The following SLC4A8 variants were observed in gnomAD, a reference collection of about 807,000 sequenced individuals.
SLC4A8 encodes electroneutral sodium bicarbonate exchanger 1.
Under a neutral mutation model 125.0 loss-of-function variants are expected in SLC4A8, and 40 were observed. That is an observed-to-expected ratio of 0.32 (90% CI 0.25 to 0.42). The LOEUF (loss-of-function observed/expected upper bound fraction) is 0.42, where lower values mean the gene tolerates loss of function less well. SLC4A8 is among the 10% of genes least tolerant of loss of function. The probability of loss-of-function intolerance (pLI) is 1.00; values close to 1 mark genes in which losing one functional copy is unlikely to be tolerated. For synonymous variants in SLC4A8, 456 were observed against 476.0 expected, an observed-to-expected ratio of 0.96 and a Z score of 0.55; for missense variants, 863 against 1,355.1, an observed-to-expected ratio of 0.64 and a Z score of 5.70.
chr12:51,510,524 C>G lies in SLC4A8; in HGVS notation c.*3086C>G, dbSNP rs887562235. 4.6e-5 allele frequency: 7 copies of G among 151,890 alleles called. No homozygotes were observed. Among genetic ancestry groups the G allele is most frequent in the African/African-American group, 1.7e-4 (7 of 41,354 alleles). The allele number at this position is 151,890 out of a possible 1,614,324, so 9.4% of individuals were successfully genotyped here. ...ATTTGAAGTTTCTCGACCTTTCCAT[C>G]AAGGATCTTGAATTTTTTCTCAATT... On this transcript the variant is annotated 3_prime_UTR_variant, in exon 25 of 25. Coordinates refer to ENST00000453097, the MANE Select transcript of SLC4A8 (RefSeq NM_001039960.3).
intron 16 of SLC4A8, among the ~76,000 whole-genome samples, chr12:51,478,864 G>A (rs932910073): frequency 1.3e-5 from 2 of 152,192 alleles, no homozygotes; most frequent in East Asian, 1.9e-4. Context: ...AGCCAGGGAC[G>A]CAGTGTCCAA....
In SLC4A8 at chr12:51,515,031, A is replaced by G. The variant is rs1172806134; in HGVS notation, c.*7593A>G. 6.6e-6 allele frequency: 1 copy of G among 152,254 alleles called. No individual in the cohort carries two copies. Among genetic ancestry groups the G allele is most frequent in the Non-Finnish European group, 1.5e-5 (1 of 68,048 alleles). The allele number at this position is 152,254 out of a possible 1,614,324, so 9.4% of individuals were successfully genotyped here. On this transcript the variant is annotated 3_prime_UTR_variant, in exon 25 of 25. Transcript: ENST00000453097. ...ACCCAGTTTCAGCATTGGAGAATACAGAACTTTTTCTTCTAGCTGATGGCA... is the reference window on the plus strand; with the variant it reads ...ACCCAGTTTCAGCATTGGAGAATACGGAACTTTTTCTTCTAGCTGATGGCA...
At chr12:51,440,664 C>A (rs771113306) in intron 1 of SLC4A8, 44 bp from the exon 2 acceptor site, 1 of 1,451,158 alleles carries the variant, frequency 6.9e-7, no homozygotes, top group East Asian at 2.3e-5. Flanking sequence ...TATATTTGAA[C>A]GAGGTATGTG....
In SLC4A8 at chr12:51,458,634, C is replaced by T. The variant is rs1362381815; in HGVS notation, c.839C>T (p.Pro280Leu). Reference sequence around the variant, plus strand: ...AATGGAGTGAATTGTGAACATAGTCCTGTGGATTTAAGCAAGGTGAGCAGA... The same window carrying T: ...AATGGAGTGAATTGTGAACATAGTCTTGTGGATTTAAGCAAGGTGAGCAGA... ...VKNGVNCEHS[P>L]VDLSKVDLHF... The change falls in exon 7 of 25, where the codon CCT becomes CTT. Residue 280 changes from proline to leucine, a missense_variant. Physicochemically the swap from Pro to Leu is moderately conservative, Grantham distance 98. Around this residue, in one of 6 missense-constraint regions of SLC4A8, gnomAD observed 390 missense variants for 634.4 expected, o/e 0.61. Transcript: ENST00000453097. The T allele has an allele frequency of 1.9e-6, 3 of 1,613,148 alleles. No individual in the cohort carries two copies. The South Asian group carries it at 3.3e-5, about 18-fold the overall frequency.
At position 51,497,223 on chromosome 12, in the gene SLC4A8, A is replaced by G. The variant is rs866338916; in HGVS notation, c.3081+99A>G. ...CAGCATGTCTGGAATCCCGAGGGTT[A>G]TATTTAGGAGCTGGGAAGATTACCC... On this transcript the variant is annotated intron_variant, in intron 22 of 24. Coordinates refer to ENST00000453097, the MANE Select transcript of SLC4A8 (RefSeq NM_001039960.3). 8.0e-6 allele frequency: 10 copies of G among 1,257,214 alleles called. No homozygotes were observed. The Middle Eastern group carries it at 5.9e-4, about 74-fold the overall frequency. 77.9% of individuals were successfully genotyped at this position (1,257,214 alleles called of 1,614,324 possible).
At chr12:51,404,171 A>G (rs909387317) in intron 1 of SLC4A8, among the ~76,000 whole-genome samples, 1 of 152,186 alleles carries the variant, frequency 6.6e-6, no homozygotes, top group Non-Finnish European at 1.5e-5. Flanking sequence ...AGCTACATGA[A>G]GGGGTTAGAT....
At chr12:51,469,548 T>C in intron 11 of SLC4A8, 66 bp from the exon 12 acceptor site, 2 of 1,406,686 alleles carry the variant, frequency 1.4e-6, no homozygotes, top group Non-Finnish European at 2.0e-6. Flanking sequence ...CTTTCAAATG[T>C]GTGCTGTTTA....
chr12:51,483,984 C>G (rs192692859), intron 16 of SLC4A8, among the ~76,000 whole-genome samples: 300 of 152,146 alleles, frequency 2.0e-3, no homozygotes, highest in African/African-American at 7.1e-3. Flanking sequence ...TGAGAACATG[C>G]GGTGTTTGGT....
At chr12:51,404,043 A>G (rs1162014718) in intron 1 of SLC4A8, among the ~76,000 whole-genome samples, 1 of 152,188 alleles carries the variant, frequency 6.6e-6, no homozygotes, top group South Asian at 2.1e-4. Flanking sequence ...AGGGTAGACA[A>G]GGGAAGTAGG....
At chr12:51,492,751 C>G (rs1186002254) in intron 19 of SLC4A8, among the ~76,000 whole-genome samples, 1 of 152,022 alleles carries the variant, frequency 6.6e-6, no homozygotes, top group African/African-American at 2.4e-5. Context: ...TATACATGTG[C>G]CATGGTGGTT....
chr12:51,398,621 A>G (rs958207752), intron 1 of SLC4A8, among the ~76,000 whole-genome samples: 2 of 152,262 alleles, frequency 1.3e-5, no homozygotes, highest in African/African-American at 4.8e-5. Context: ...TTGGATTTCA[A>G]TCTGACAGTT....
chr12:51,473,921 A>T (rs1400607482), intron 14 of SLC4A8, among the ~76,000 whole-genome samples: 1 of 152,256 alleles, frequency 6.6e-6, no homozygotes, highest in South Asian at 2.1e-4. Context: ...TAAGATATTC[A>T]GGCTTGGAAG....
intron 2 of SLC4A8, chr12:51,441,162 A>G (rs1157473796): frequency 2.0e-6 from 2 of 986,164 alleles, no homozygotes; most frequent in East Asian, 1.1e-4. Context: ...ATAAAATACA[A>G]ATAGTTTTAA....
intron 1 of SLC4A8, among the ~76,000 whole-genome samples, chr12:51,429,328 G>T (rs775425932): frequency 6.6e-5 from 10 of 152,188 alleles, no homozygotes; most frequent in Non-Finnish European, 1.5e-4. Context: ...CTGTGTCTTT[G>T]TTGCCTATAA....
chr12:51,469,827 A>G (rs772661122), intron 12 of SLC4A8, 39 bp downstream of exon 12: 2 of 1,598,244 alleles, frequency 1.3e-6, no homozygotes, highest in East Asian at 4.5e-5. Flanking sequence ...CCCAAACAAG[A>G]CCTAAAATAT....
At chr12:51,394,019 G>A (rs983660445) in intron 1 of SLC4A8, among the ~76,000 whole-genome samples, 2 of 152,186 alleles carry the variant, frequency 1.3e-5, no homozygotes, top group African/African-American at 4.8e-5. Context: ...TGTACAGGTC[G>A]GACCTACCGT....
intron 6 of SLC4A8, 119 bp downstream of exon 6, chr12:51,457,658 G>A (rs889411077): frequency 1.1e-4 from 101 of 906,210 alleles, no homozygotes; most frequent in Non-Finnish European, 1.6e-4. Context: ...GTCCACTTAG[G>A]CACTTAGTAC....
intron 14 of SLC4A8, among the ~76,000 whole-genome samples, chr12:51,472,463 G>A (rs1950727634): frequency 6.6e-6 from 1 of 152,158 alleles, no homozygotes; most frequent in South Asian, 2.1e-4. Flanking sequence ...TTACTAGAAA[G>A]TAACAATGAT....
At chr12:51,453,380 C>CT (rs1380007143) in intron 4 of SLC4A8, among the ~76,000 whole-genome samples, 159 bp from the exon 5 acceptor site, 5 of 152,136 alleles carry the variant, frequency 3.3e-5, no homozygotes, top group African/African-American at 9.7e-5. Flanking sequence ...CTATTACCTG[C>CT]TTTTTTCACT....
Sources: gnomAD v4.1 joint callset for allele counts (sites outside exome capture counted in the v4.1 genomes callset) on GRCh38, gnomAD v4.1.1 for gene constraint, gnomAD v4.1.1 regional missense constraint, MANE v1.5 for transcripts, NCBI Gene and HGNC (gene_info 2026-07-23, HGNC 2026-07-21) for gene names.